Variants in LRRTM4 observed in about 807,000 individuals in gnomAD.
The protein encoded by LRRTM4 is leucine rich repeat transmembrane neuronal 4.
A neutral mutation model predicts 47.6 loss-of-function variants in LRRTM4; 25 were observed. The ratio of observed to expected loss-of-function variants is 0.53; its 90% confidence interval spans 0.38 to 0.73. The LOEUF is 0.73. LRRTM4 is among the 30% of genes least tolerant of loss of function. The pLI is 0.00. For synonymous variants in LRRTM4, 311 were observed against 269.5 expected (o/e 1.15, Z -1.51); for missense variants, 638 against 713.4 (o/e 0.89, Z 1.20).
chr2:77,117,189 G>C (rs1222435715), intron 3 of LRRTM4, among the ~76,000 whole-genome samples: 2 of 151,878 alleles, frequency 1.3e-5, no homozygotes, highest in African/African-American at 2.4e-5. Flanking sequence ...TCATTCATTA[G>C]TTGATGGACA....
rs6729291 is a variant in LRRTM4, at chr2:76,983,108, A to T, written c.1552-234192T>A. Among the ~76,000 whole-genome samples the T allele has an allele frequency of 3.8e-3, 571 of 152,186 alleles. 1 individual carries two copies. The highest frequency in any genetic ancestry group is 0.013 in the African/African-American group (546 of 41,556). On this transcript the variant is annotated intron_variant, in intron 3 of 3. Transcript: ENST00000409884. ...TTTAAATAATAGTTCACTTAATCCC[A>T]GCATAATGGTAAAATGGTAAAGACC...
intron 3 of LRRTM4, among the ~76,000 whole-genome samples, chr2:76,888,102 A>G (rs1023173537): frequency 4.0e-5 from 6 of 150,548 alleles, no homozygotes; most frequent in African/African-American, 1.5e-4. Flanking sequence ...GTGTGTGTGT[A>G]TATATACATA....
chr2:76,915,129 A>T (rs1674199996), intron 3 of LRRTM4, among the ~76,000 whole-genome samples: 1 of 152,214 alleles, frequency 6.6e-6, no homozygotes, highest in Non-Finnish European at 1.5e-5. Context: ...ATATGCAAGA[A>T]AATATTTGCT....
intron 3 of LRRTM4, among the ~76,000 whole-genome samples, chr2:77,222,624 C>G (rs1436839881): frequency 6.6e-6 from 1 of 152,096 alleles, no homozygotes; most frequent in Non-Finnish European, 1.5e-5. Flanking sequence ...GGATAAATTC[C>G]TCAACACATA....
intron 3 of LRRTM4, among the ~76,000 whole-genome samples, chr2:76,918,690 T>C (rs1427537405): frequency 1.3e-5 from 2 of 152,300 alleles, no homozygotes; most frequent in East Asian, 3.9e-4. Context: ...TTTTTCTTAA[T>C]AACAGCCTAC....
At position 76,795,320 on chromosome 2, in the gene LRRTM4, T is replaced by C. The variant is rs76687295; in HGVS notation, c.1552-46404A>G. Among the ~76,000 whole-genome samples the C allele has an allele frequency of 1.2e-4, 19 of 152,342 alleles. No individual in the cohort carries two copies. In the East Asian group the frequency reaches 3.7e-3, roughly 29 times the overall value. ...AATATCTTGTTTTGAAATATATATG[T>C]AGTTCATCTTTCATGTCTGTGAGTT... On this transcript the variant is annotated intron_variant, in intron 3 of 3. Coordinates refer to ENST00000409884, the MANE Select transcript of LRRTM4 (RefSeq NM_001134745.3).
At chr2:77,160,337 A>G (rs1472424376) in intron 3 of LRRTM4, among the ~76,000 whole-genome samples, 1 of 152,152 alleles carries the variant, frequency 6.6e-6, no homozygotes, top group Admixed American at 6.6e-5. Context: ...GAGCATTGAC[A>G]ACACTTTCCA....
intron 3 of LRRTM4, among the ~76,000 whole-genome samples, chr2:77,300,368 G>T: frequency 6.6e-6 from 1 of 152,078 alleles, no homozygotes; most frequent in East Asian, 1.9e-4. Context: ...TTTGGTCAGA[G>T]TCCTCAAAGA....
At chr2:77,094,779 A>G (rs1670762330) in intron 3 of LRRTM4, among the ~76,000 whole-genome samples, 1 of 152,194 alleles carries the variant, frequency 6.6e-6, no homozygotes, top group Non-Finnish European at 1.5e-5. Flanking sequence ...ACAAAAATCA[A>G]CTCAACATGG....
chr2:76,852,919 T>TC (rs1672039816), intron 3 of LRRTM4, among the ~76,000 whole-genome samples: 1 of 152,142 alleles, frequency 6.6e-6, no homozygotes. Context: ...GACCTTTCTT[T>TC]CAGACAGGGA....
intron 3 of LRRTM4, among the ~76,000 whole-genome samples, chr2:77,425,102 G>A (rs957356614): frequency 6.6e-6 from 1 of 152,028 alleles, no homozygotes; most frequent in Non-Finnish European, 1.5e-5. Context: ...GAGGAATTTG[G>A]TATTTAACAA....
At position 77,072,882 on chromosome 2, in the gene LRRTM4, G is replaced by C. The variant is rs76518832; in HGVS notation, c.1552-323966C>G. ...GATTTTCTCAGTTATTCGGCTACTT[G>C]CGTCTGTCAGATTACCATAGAAGAC... On this transcript the variant is annotated intron_variant, in intron 3 of 3. Transcript: ENST00000409884. Among the ~76,000 whole-genome samples the C allele has an allele frequency of 5.4e-3, 812 of 150,804 alleles. 5 individuals carry two copies. The highest frequency in any genetic ancestry group is 0.019 in the African/African-American group (771 of 40,976).
chr2:76,934,833 A>T (rs948735653), intron 3 of LRRTM4, among the ~76,000 whole-genome samples: 4 of 152,196 alleles, frequency 2.6e-5, no homozygotes, highest in African/African-American at 4.8e-5. Context: ...ACATTTACTC[A>T]GAAAGGAAAA....
intron 3 of LRRTM4, among the ~76,000 whole-genome samples, chr2:77,202,130 C>A (rs898843963): frequency 6.6e-6 from 1 of 152,040 alleles, no homozygotes; most frequent in African/African-American, 2.4e-5. Flanking sequence ...TTGTCAGTAA[C>A]AGTGAAAGAG....
intron 3 of LRRTM4, among the ~76,000 whole-genome samples, chr2:77,438,872 A>C (rs1675717778): frequency 6.6e-6 from 1 of 152,202 alleles, no homozygotes; most frequent in Non-Finnish European, 1.5e-5. Context: ...ACCCACTTCT[A>C]GTGTGGATAC....
chr2:76,775,818 A>T (rs1175104630), intron 3 of LRRTM4, among the ~76,000 whole-genome samples: 1 of 152,212 alleles, frequency 6.6e-6, no homozygotes, highest in African/African-American at 2.4e-5. Flanking sequence ...CAGGTTAGTT[A>T]CATATGTATA....
chr2:77,077,563 TAGA>T (rs1438754323), intron 3 of LRRTM4, among the ~76,000 whole-genome samples: 2 of 152,156 alleles, frequency 1.3e-5, no homozygotes, highest in African/African-American at 4.8e-5. Flanking sequence ...ATTGGAGCTG[TAGA>T]AGATTTTTCT....
At chr2:76,960,920 T>A (rs939087598) in intron 3 of LRRTM4, among the ~76,000 whole-genome samples, 14 of 151,644 alleles carry the variant, frequency 9.2e-5, no homozygotes, top group African/African-American at 3.4e-4. Flanking sequence ...TGACTATGTA[T>A]AATACACTGT....
Position 77,041,341 on chromosome 2 carries a change from G to C in LRRTM4, c.1552-292425C>G, listed in dbSNP as rs144075828. ...TCATTTGTTGATTGATAGACACTTAGGTTGATTTCATAAGTGAATAGTGTT... is the reference window on the plus strand; with the variant it reads ...TCATTTGTTGATTGATAGACACTTACGTTGATTTCATAAGTGAATAGTGTT... On this transcript the variant is annotated intron_variant, in intron 3 of 3. Coordinates refer to ENST00000409884, the MANE Select transcript of LRRTM4 (RefSeq NM_001134745.3). 2.9e-3 allele frequency among the ~76,000 whole-genome samples: 435 copies of C among 151,590 alleles called. 1 individual carries two copies. The highest frequency in any genetic ancestry group is 5.1e-3 in the Non-Finnish European group (343 of 67,634).
Sources: gnomAD v4.1 joint callset for allele counts (sites outside exome capture counted in the v4.1 genomes callset) on GRCh38, gnomAD v4.1.1 for gene constraint, MANE v1.5 for transcripts, NCBI Gene and HGNC (gene_info 2026-07-23, HGNC 2026-07-21) for gene names.